The following MED22 variants were observed in gnomAD, a reference collection of about 807,000 sequenced individuals.
MED22 encodes mediator of RNA polymerase II transcription subunit 22.
A neutral mutation model predicts 22.7 loss-of-function variants in MED22; 22 were observed. The ratio of observed to expected loss-of-function variants is 0.97; its 90% confidence interval spans 0.69 to 1.38. The LOEUF is 1.38. MED22 is among the 40% of genes most tolerant of loss of function. MED22 has a pLI of 0.00. For missense variants in MED22, 247 were observed against 263.0 expected, an observed-to-expected ratio of 0.94 and a Z score of 0.42; for synonymous variants, 134 against 119.4, an observed-to-expected ratio of 1.12 and a Z score of -0.80.
intron 3 of MED22, 84 bp downstream of exon 3, chr9:133,345,088 A>C: frequency 7.3e-7 from 1 of 1,367,056 alleles, no homozygotes; most frequent in Non-Finnish European, 1.0e-6. Flanking sequence ...GACCAGCCCC[A>C]GAGCCCCCTC....
At chr9:133,344,444 A>T (rs1836122789) in intron 3 of MED22, 111 bp from the exon 4 acceptor site, 2 of 1,070,002 alleles carry the variant, frequency 1.9e-6, no homozygotes, top group African/African-American at 3.1e-5. Flanking sequence ...CAGCTTCCTC[A>T]TCTGCAAAGT....
intron 4 of MED22, chr9:133,342,232 A>G: frequency 1.0e-6 from 1 of 986,566 alleles, no homozygotes; most frequent in Non-Finnish European, 1.2e-6. Flanking sequence ...GGCGGCCTCC[A>G]GCAGGCGTCC....
rs910419069 is a variant in MED22, at chr9:133,339,608, A to C, written c.*1897T>G. ...ATCATCATCCATTCTGGTTGTGGTG[A>C]TGGACGAAGGAGAATGTGCTCAGAG... On this transcript the variant is annotated 3_prime_UTR_variant, in exon 5 of 5. Coordinates refer to ENST00000343730, the MANE Select transcript of MED22 (RefSeq NM_133640.5). 1 of 426,012 alleles carries C rather than the reference A, an allele frequency of 2.3e-6. No individual in the cohort carries two copies. The highest frequency in any genetic ancestry group is 4.3e-6 in the Non-Finnish European group (1 of 232,828). The allele number at this position is 426,012 out of a possible 1,614,324, so 26.4% of individuals were successfully genotyped here.
chr9:133,346,434 G>A (rs1836181105), intron 2 of MED22, 106 bp downstream of exon 2: 2 of 1,418,988 alleles, frequency 1.4e-6, no homozygotes, highest in Admixed American at 3.6e-5. Context: ...TGCACTGGGT[G>A]CTTCCTGCCT....
rs2129960606 is a variant in MED22 at position 133,344,217 on chromosome 9, T to C, written c.321A>G (p.Thr107=). ...GCTTCCGGTCGCACTCCTCCTGCAG[T>C]GTGCGCAGCTGCTGGTTGCGCTGGT... ...AIDQRNQQLR[T]LQEECDRKLI... Residue 107 remains threonine, a synonymous_variant, in exon 4 of 5, where the codon ACA becomes ACG. Coordinates refer to ENST00000343730, the MANE Select transcript of MED22 (RefSeq NM_133640.5). 45 of 1,614,048 alleles carry C rather than the reference T, an allele frequency of 2.8e-5. No individual in the cohort carries two copies. In the Admixed American group the frequency reaches 7.0e-4, roughly 25 times the overall value.
chr9:133,344,957 C>A (rs368891876), intron 3 of MED22, among the ~76,000 whole-genome samples: 1 of 152,188 alleles, frequency 6.6e-6, no homozygotes, highest in Non-Finnish European at 1.5e-5. Context: ...AAGTGCCCCA[C>A]GTGAGGACAG....
chr9:133,344,209 T>C lies in MED22; in HGVS notation c.329A>G (p.Glu110Gly). 6.2e-7 allele frequency: 1 copy of C among 1,614,206 alleles called. No individual in the cohort carries two copies. The highest frequency in any genetic ancestry group is 1.3e-5 in the African/African-American group (1 of 75,072). Residue 110 changes from glutamate to glycine, a missense_variant, in exon 4 of 5, where the codon GAG becomes GGG. Coordinates refer to ENST00000343730, the MANE Select transcript of MED22 (RefSeq NM_133640.5). The part of the protein sequence containing the change: ...QRNQQLRTLQ[E>G]ECDRKLITLR... The stretch of plus-strand genomic sequence containing the variant: ...CGTGATGAGCTTCCGGTCGCACTCC[T>C]CCTGCAGTGTGCGCAGCTGCTGGTT...
chr9:133,345,046 T>G, intron 3 of MED22, 126 bp downstream of exon 3: 1 of 852,748 alleles, frequency 1.2e-6, no homozygotes, highest in Admixed American at 2.4e-5. Flanking sequence ...TACATTTGCC[T>G]CCTTCTGCTC....
At chr9:133,343,773 A>G (rs1161596260) in intron 4 of MED22, 24 of 1,340,178 alleles carry the variant, frequency 1.8e-5, no homozygotes, top group Non-Finnish European at 2.3e-5. Flanking sequence ...TTCAGAAGGT[A>G]ACAGGAGCAG....
In MED22 at chr9:133,342,514, G is replaced by C. The variant is rs2129953611; in HGVS notation, c.414-820C>G. 10 of 987,008 alleles carry C rather than the reference G, an allele frequency of 1.0e-5. No homozygotes were observed. In the East Asian group the frequency reaches 3.4e-4, roughly 34 times the overall value. 61.1% of individuals were successfully genotyped at this position (987,008 alleles called of 1,614,324 possible). ...AGAAAGAGCAACTAACAAGCAGAGA[G>C]GGGGCAGGCGAGCACAGAGGCGCAG... On this transcript the variant is annotated intron_variant, in intron 4 of 4. Transcript: ENST00000343730.
chr9:133,342,734 A>C (rs1836047457), intron 4 of MED22: 1 of 985,802 alleles, frequency 1.0e-6, no homozygotes, highest in African/African-American at 1.7e-5. Flanking sequence ...GCGGGAGGGG[A>C]CACAGGCTGG....
Position 133,339,434 on chromosome 9 carries a change from T to C in MED22, c.*2071A>G, listed in dbSNP as rs2119053368. On this transcript the variant is annotated 3_prime_UTR_variant, in exon 5 of 5. Transcript: ENST00000343730. ...ACCAATGGGAAGGAGCCTGAGCTGCTGGAACCTCTTCCCTATGAATTCATG... is the reference window on the plus strand; with the variant it reads ...ACCAATGGGAAGGAGCCTGAGCTGCCGGAACCTCTTCCCTATGAATTCATG... The C allele has an allele frequency of 5.1e-6, 4 of 781,826 alleles. No individual in the cohort carries two copies. The East Asian group carries it at 1.0e-4, about 20-fold the overall frequency. 48.4% of individuals were successfully genotyped at this position (781,826 alleles called of 1,614,324 possible).
rs2129948462 is a variant in MED22 at position 133,341,489 on chromosome 9, G to C, written c.*16C>G. 256 of 1,477,998 alleles carry C rather than the reference G, an allele frequency of 1.7e-4. No homozygotes were observed. The highest frequency in any genetic ancestry group is 2.1e-4 in the Non-Finnish European group (233 of 1,122,532). 91.6% of individuals were successfully genotyped at this position (1,477,998 alleles called of 1,614,324 possible). A position where few individuals can be genotyped will look rare whatever the true frequency, so the allele number is the denominator to read the frequency against. ...CTCAGGTTTTGTTCCTGAGAACGAA[G>C]CGTGGCCCCGGAGGCTCAGGCGTGC... On this transcript the variant is annotated 3_prime_UTR_variant, in exon 5 of 5. Transcript: ENST00000343730.
In MED22 at chr9:133,344,108, T is replaced by C. The variant is rs2129959313; in HGVS notation, c.413+17A>G. 3 of 1,613,572 alleles carry C rather than the reference T, an allele frequency of 1.9e-6. No individual in the cohort carries two copies. The African/African-American group carries it at 4.0e-5, about 22-fold the overall frequency. On this transcript the variant is annotated intron_variant, in intron 4 of 4. Transcript: ENST00000343730. ...GCAGGCTCCCGCTCTGCATGGGGAG[T>C]CCAGCGCTATTTATACCTGGACGAG... is the stretch of plus-strand genomic sequence containing the variant.
At position 133,338,771 on chromosome 9, in the gene MED22, T is replaced by G; in HGVS notation, c.*2734A>C. On this transcript the variant is annotated 3_prime_UTR_variant, in exon 5 of 5. Coordinates refer to ENST00000343730, the MANE Select transcript of MED22 (RefSeq NM_133640.5). Reference sequence around the variant, plus strand: ...TCTATACTTTTTAGTAGAGACGGGGTTTCTCCATGTTGCCCAGGCTGGTCT... The same window carrying G: ...TCTATACTTTTTAGTAGAGACGGGGGTTCTCCATGTTGCCCAGGCTGGTCT... The G allele has an allele frequency of 2.9e-6, 1 of 339,910 alleles. No individual in the cohort carries two copies. The highest frequency in any genetic ancestry group is 5.8e-6 in the Non-Finnish European group (1 of 173,660). 21.1% of individuals were successfully genotyped at this position (339,910 alleles called of 1,614,324 possible).
chr9:133,343,464 G>A, intron 4 of MED22: 1 of 1,230,558 alleles, frequency 8.1e-7, no homozygotes, highest in Non-Finnish European at 1.0e-6. Flanking sequence ...GCCCCACAAG[G>A]GTCAGGATGA....
intron 2 of MED22, among the ~76,000 whole-genome samples, chr9:133,346,077 G>C (rs1044407340): frequency 6.6e-6 from 1 of 152,176 alleles, no homozygotes; most frequent in Non-Finnish European, 1.5e-5. Flanking sequence ...CATCATCATC[G>C]CTTATGGAGC....
At chr9:133,342,187 G>C in intron 4 of MED22, 1 of 990,138 alleles carries the variant, frequency 1.0e-6, no homozygotes, top group Non-Finnish European at 1.2e-6. Context: ...TGGGAACACA[G>C]GCCCTGGCAC....
Position 133,342,407 on chromosome 9 carries a change from T to G in MED22, c.414-713A>C, listed in dbSNP as rs1210989859. 4 of 985,854 alleles carry G rather than the reference T, an allele frequency of 4.1e-6. No individual in the cohort carries two copies. In the African/African-American group the frequency reaches 7.0e-5, roughly 17 times the overall value. The allele number at this position is 985,854 out of a possible 1,614,324, so 61.1% of individuals were successfully genotyped here. On this transcript the variant is annotated intron_variant, in intron 4 of 4. Coordinates refer to ENST00000343730, the MANE Select transcript of MED22 (RefSeq NM_133640.5). Reference sequence around the variant, plus strand: ...CTGCCTCGCCCCTGGCTTCCTCCCTTGCTCCTGCCCTCAGTGTTCAGTCTC... The same window carrying G: ...CTGCCTCGCCCCTGGCTTCCTCCCTGGCTCCTGCCCTCAGTGTTCAGTCTC...
Sources: gnomAD v4.1 joint callset for allele counts (sites outside exome capture counted in the v4.1 genomes callset) on GRCh38, gnomAD v4.1.1 for gene constraint, MANE v1.5 for transcripts, NCBI Gene and HGNC (gene_info 2026-07-23, HGNC 2026-07-21) for gene names.